ADAMTSL1: variants seen among roughly 807,000 people sequenced by gnomAD.
ADAMTSL1 encodes ADAMTS-like protein 1.
ADAMTSL1 carries 126 observed loss-of-function variants against 201.8 expected under a neutral mutation model. That is an observed-to-expected ratio of 0.62 (90% CI 0.54 to 0.72). The LOEUF (loss-of-function observed/expected upper bound fraction) is 0.72. Among genes scored for constraint, ADAMTSL1 ranks in the 30% least tolerant of loss-of-function variants. The pLI, the probability that ADAMTSL1 is intolerant of heterozygous loss-of-function variation, is 0.00. For synonymous variants in ADAMTSL1, 1,121 were observed against 903.4 expected, an observed-to-expected ratio of 1.24 and a Z score of -4.32; for missense variants, 2,679 against 2,277.8, an observed-to-expected ratio of 1.18 and a Z score of -3.59.
chr9:18,287,302 C>T (rs145167173), intron 2 of ADAMTSL1, among the ~76,000 whole-genome samples: 133 of 151,886 alleles, frequency 8.8e-4, no homozygotes, highest in Middle Eastern at 3.4e-3. Flanking sequence ...GAAGTACATA[C>T]GTATATACAT....
chr9:18,366,229 A>G (rs970382477), intron 2 of ADAMTSL1, among the ~76,000 whole-genome samples: 1 of 151,892 alleles, frequency 6.6e-6, no homozygotes, highest in African/African-American at 2.4e-5. Flanking sequence ...ATATGAATTT[A>G]TATGGTCTAT....
At chr9:18,437,305 T>C (rs1305021489) in intron 2 of ADAMTSL1, among the ~76,000 whole-genome samples, 1 of 152,042 alleles carries the variant, frequency 6.6e-6, no homozygotes. Flanking sequence ...GCCTGTAAAT[T>C]TTACATCATT....
At chr9:18,467,751 G>A (rs1282063718) in intron 2 of ADAMTSL1, among the ~76,000 whole-genome samples, 3 of 152,186 alleles carry the variant, frequency 2.0e-5, no homozygotes, top group East Asian at 1.9e-4. Context: ...AAGTAGTTGG[G>A]TAATATCAAG....
chr9:18,632,366 T>C (rs1483370024), intron 5 of ADAMTSL1, among the ~76,000 whole-genome samples: 2 of 152,236 alleles, frequency 1.3e-5, no homozygotes, highest in Non-Finnish European at 2.9e-5. Context: ...GTACTGTTCC[T>C]TAAAGTATGT....
intron 5 of ADAMTSL1, among the ~76,000 whole-genome samples, chr9:18,632,809 C>A (rs996058134): frequency 5.3e-5 from 8 of 152,138 alleles, no homozygotes; most frequent in African/African-American, 1.9e-4. Flanking sequence ...GTGCTGCCAA[C>A]TGCTAGAGTT....
chr9:18,177,755 T>C (rs1350081711), intron 2 of ADAMTSL1, among the ~76,000 whole-genome samples: 1 of 152,194 alleles, frequency 6.6e-6, no homozygotes, highest in East Asian at 1.9e-4. Flanking sequence ...TTTCTTTTTA[T>C]ATCTCACTGG....
At chr9:18,846,142 C>G (rs1826091873) in intron 23 of ADAMTSL1, among the ~76,000 whole-genome samples, 1 of 152,206 alleles carries the variant, frequency 6.6e-6, no homozygotes, top group Non-Finnish European at 1.5e-5. Context: ...CATCTATTTA[C>G]TATACCAGGC....
intron 2 of ADAMTSL1, among the ~76,000 whole-genome samples, chr9:18,196,981 T>C (rs188751566): frequency 1.3e-5 from 2 of 152,238 alleles, no homozygotes; most frequent in South Asian, 2.1e-4. Context: ...GCTAATTCTC[T>C]ATCTTTGTCT....
intron 1 of ADAMTSL1, among the ~76,000 whole-genome samples, chr9:17,918,090 A>G (rs527932844): frequency 2.1e-4 from 32 of 151,830 alleles, no homozygotes; most frequent in East Asian, 9.7e-4. Context: ...AATTTTATCA[A>G]TCTTCTCAAA....
At chr9:18,894,100 AAGGGTCTTGT>A (rs1196965989) in intron 26 of ADAMTSL1, among the ~76,000 whole-genome samples, 1 of 152,236 alleles carries the variant, frequency 6.6e-6, no homozygotes, top group Non-Finnish European at 1.5e-5. Flanking sequence ...AAGACCATAA[AAGGGTCTTGT>A]ATGCTGTACA....
chr9:18,451,307 T>G (rs17205520), intron 2 of ADAMTSL1, among the ~76,000 whole-genome samples: 12,274 of 152,274 alleles, frequency 0.081, 677 homozygotes, highest in Non-Finnish European at 0.12. Context: ...GATCGCCACA[T>G]AAGATAACTT....
intron 2 of ADAMTSL1, among the ~76,000 whole-genome samples, chr9:18,246,753 T>C (rs1032450660): frequency 2.0e-5 from 3 of 152,144 alleles, no homozygotes; most frequent in Admixed American, 6.6e-5. Context: ...AACATACACA[T>C]ACACACATGC....
At chr9:18,038,167 T>C (rs1051471860) in intron 1 of ADAMTSL1, among the ~76,000 whole-genome samples, 6 of 152,164 alleles carry the variant, frequency 3.9e-5, no homozygotes, top group African/African-American at 1.4e-4. Flanking sequence ...ACCACACCTC[T>C]GCCATCAGGT....
chr9:18,786,130 G>A (rs1428375421), intron 19 of ADAMTSL1, among the ~76,000 whole-genome samples: 1 of 152,218 alleles, frequency 6.6e-6, no homozygotes, highest in Non-Finnish European at 1.5e-5. Context: ...GATGCTTGAA[G>A]AAAATACTTA....
chr9:18,720,945 G>A (rs939623126), intron 14 of ADAMTSL1, among the ~76,000 whole-genome samples: 1 of 152,156 alleles, frequency 6.6e-6, no homozygotes, highest in East Asian at 1.9e-4. Context: ...CACGGCTGTG[G>A]TTATTATGCA....
At chr9:18,172,795 A>C (rs1003911762) in intron 2 of ADAMTSL1, among the ~76,000 whole-genome samples, 14 of 152,158 alleles carry the variant, frequency 9.2e-5, no homozygotes, top group Non-Finnish European at 2.1e-4. Context: ...ATCTACATGT[A>C]TTAAAATAGA....
intron 2 of ADAMTSL1, among the ~76,000 whole-genome samples, chr9:18,373,923 A>G (rs1051440645): frequency 2.6e-5 from 4 of 152,136 alleles, no homozygotes; most frequent in East Asian, 1.9e-4. Context: ...ATAATCTCCA[A>G]GTCCTGAAAG....
chr9:18,408,688 A>G (rs1220842910), intron 2 of ADAMTSL1, among the ~76,000 whole-genome samples: 1 of 152,204 alleles, frequency 6.6e-6, no homozygotes, highest in African/African-American at 2.4e-5. Flanking sequence ...TAGATATGAA[A>G]TCTCACACTT....
chr9:17,993,067 A>G (rs949843464), intron 1 of ADAMTSL1, among the ~76,000 whole-genome samples: 16 of 152,228 alleles, frequency 1.1e-4, no homozygotes, highest in African/African-American at 3.6e-4. Flanking sequence ...GCTGTGTTCA[A>G]AAATGACAGA....
Sources: gnomAD v4.1 joint callset for allele counts (sites outside exome capture counted in the v4.1 genomes callset) on GRCh38, gnomAD v4.1.1 for gene constraint, MANE v1.5 for transcripts, NCBI Gene and HGNC (gene_info 2026-07-23, HGNC 2026-07-21) for gene names.